NUAK1: variants seen among roughly 807,000 people sequenced by gnomAD.
The protein encoded by NUAK1 is NUAK family kinase 1, also known as NUAK family SNF1-like kinase 1.
A neutral mutation model predicts 56.9 loss-of-function variants in NUAK1; 26 were observed. The ratio of observed to expected loss-of-function variants is 0.46; its 90% CI spans 0.33 to 0.63. NUAK1 has a LOEUF of 0.63. Among genes scored for constraint, NUAK1 ranks in the 30% least tolerant of loss-of-function variants. The pLI is 0.02. For synonymous variants in NUAK1, 337 were observed against 336.0 expected, an observed-to-expected ratio of 1.00 and a Z score of -0.03; for missense variants, 727 against 876.1, an observed-to-expected ratio of 0.83 and a Z score of 2.15.
At chr12:106,073,592 C>A (rs750137803) in intron 4 of NUAK1, among the ~76,000 whole-genome samples, 2 of 152,012 alleles carry the variant, frequency 1.3e-5, no homozygotes, top group Non-Finnish European at 2.9e-5. Flanking sequence ...CTTGGCCAGG[C>A]GGATCACTTG....
At chr12:106,099,482 C>T (rs150156809) in intron 2 of NUAK1, among the ~76,000 whole-genome samples, 75 of 152,284 alleles carry the variant, frequency 4.9e-4, no homozygotes, top group African/African-American at 1.7e-3. Flanking sequence ...GGGAATTCTA[C>T]ATATCACAGG....
intron 5 of NUAK1, among the ~76,000 whole-genome samples, 158 bp downstream of exon 5, chr12:106,072,566 G>A (rs1031051786): frequency 3.9e-5 from 6 of 152,170 alleles, no homozygotes; most frequent in Non-Finnish European, 1.5e-5. Flanking sequence ...CCTCCCAGGA[G>A]TATACATTAA....
At position 106,070,920 on chromosome 12, in the gene NUAK1, A is replaced by C; in HGVS notation, c.700-14T>G. On this transcript the variant is annotated splice_polypyrimidine_tract_variant and intron_variant, in intron 5 of 6. Coordinates refer to ENST00000261402, the MANE Select transcript of NUAK1 (RefSeq NM_014840.3). ...CCAGCTGTCCACCTGGAGCAGAGAG[A>C]CAGCACATATAGGAGAGCTGGGAAA... is the stretch of plus-strand genomic sequence containing the variant. 1 of 1,614,038 alleles carries C rather than the reference A, an allele frequency of 6.2e-7. No homozygotes were observed. The highest frequency in any genetic ancestry group is 8.5e-7 in the Non-Finnish European group (1 of 1,179,960).
At chr12:106,081,641 T>A (rs2032519121) in intron 4 of NUAK1, among the ~76,000 whole-genome samples, 1 of 152,252 alleles carries the variant, frequency 6.6e-6, no homozygotes, top group African/African-American at 2.4e-5. Context: ...CCTGGGCTCC[T>A]GCCTCACTGT....
At chr12:106,109,076 A>C (rs2032832987) in intron 1 of NUAK1, among the ~76,000 whole-genome samples, 1 of 152,186 alleles carries the variant, frequency 6.6e-6, no homozygotes, top group Non-Finnish European at 1.5e-5. Flanking sequence ...CCCTGTTTCA[A>C]AGGGGTGACA....
chr12:106,083,232 G>C (rs548639596), intron 4 of NUAK1, among the ~76,000 whole-genome samples: 18 of 152,306 alleles, frequency 1.2e-4, no homozygotes, highest in African/African-American at 4.3e-4. Context: ...GGTGGAGAGG[G>C]AGAAGTAGGA....
chr12:106,128,035 G>A (rs892470740), intron 1 of NUAK1, among the ~76,000 whole-genome samples: 3 of 151,850 alleles, frequency 2.0e-5, no homozygotes, highest in Non-Finnish European at 2.9e-5. Context: ...TTTCACAGAC[G>A]AAGAAACCGA....
At chr12:106,128,114 A>C (rs2033041073) in intron 1 of NUAK1, among the ~76,000 whole-genome samples, 2 of 151,348 alleles carry the variant, frequency 1.3e-5, no homozygotes, top group South Asian at 4.2e-4. Context: ...GCCTAGCTCC[A>C]AATTCTCTCT....
chr12:106,132,672 T>C (rs1479085711), intron 1 of NUAK1, among the ~76,000 whole-genome samples: 1 of 152,174 alleles, frequency 6.6e-6, no homozygotes, highest in East Asian at 1.9e-4. Flanking sequence ...CCTGATTCAT[T>C]ACAACAAACT....
At chr12:106,090,663 C>T (rs747681025) in intron 2 of NUAK1, among the ~76,000 whole-genome samples, 6 of 152,200 alleles carry the variant, frequency 3.9e-5, no homozygotes, top group Non-Finnish European at 8.8e-5. Context: ...ACCCCTCTGA[C>T]CCTCCGCCTC....
chr12:106,092,661 G>GTTGA (rs2032647992), intron 2 of NUAK1, among the ~76,000 whole-genome samples: 2 of 152,266 alleles, frequency 1.3e-5, no homozygotes, highest in East Asian at 3.9e-4. Context: ...CCATTCTACT[G>GTTGA]TTGATAGACA....
chr12:106,124,651 G>T (rs1490165001), intron 1 of NUAK1, among the ~76,000 whole-genome samples: 1 of 152,190 alleles, frequency 6.6e-6, no homozygotes, highest in Non-Finnish European at 1.5e-5. Context: ...AACGTCATCT[G>T]TCTCACCATG....
At chr12:106,077,084 C>T (rs1329108982) in intron 4 of NUAK1, among the ~76,000 whole-genome samples, 1 of 152,168 alleles carries the variant, frequency 6.6e-6, no homozygotes, top group Non-Finnish European at 1.5e-5. Context: ...GAAGTGTCAC[C>T]TTGCTGACAT....
At chr12:106,112,642 C>A (rs1276912684) in intron 1 of NUAK1, among the ~76,000 whole-genome samples, 1 of 152,230 alleles carries the variant, frequency 6.6e-6, no homozygotes, top group Non-Finnish European at 1.5e-5. Flanking sequence ...CCCATGGGAA[C>A]CAAGCCAGCT....
intron 1 of NUAK1, among the ~76,000 whole-genome samples, chr12:106,115,770 C>T (rs2032911074): frequency 6.6e-6 from 1 of 152,188 alleles, no homozygotes; most frequent in African/African-American, 2.4e-5. Flanking sequence ...TTCCTGCCGT[C>T]CCATCATGGG....
chr12:106,106,797 G>C (rs1238860919), intron 1 of NUAK1, among the ~76,000 whole-genome samples: 1 of 152,144 alleles, frequency 6.6e-6, no homozygotes, highest in African/African-American at 2.4e-5. Context: ...TTTTCATAAA[G>C]CAGAGGCTGC....
chr12:106,066,517 T>G lies in NUAK1; in HGVS notation c.*285A>C. On this transcript the variant is annotated 3_prime_UTR_variant, in exon 7 of 7. Transcript: ENST00000261402. ...ATATGCTTCCTCTCCACCCACTGAG[T>G]GCCGGTCAATACCACCTCCCCTGGA... 2.2e-6 allele frequency: 1 copy of G among 446,568 alleles called. No individual in the cohort carries two copies. The allele number at this position is 446,568 out of a possible 1,614,324, so 27.7% of individuals were successfully genotyped here. A position where few individuals can be genotyped will look rare whatever the true frequency, so the allele number is the denominator to read the frequency against.
intron 1 of NUAK1, among the ~76,000 whole-genome samples, chr12:106,122,356 GA>G (rs1446981243): frequency 1.3e-5 from 2 of 152,184 alleles, no homozygotes; most frequent in Non-Finnish European, 2.9e-5. Flanking sequence ...ATCTTACAAG[GA>G]GTGTAAACAT....
At chr12:106,086,502 A>G (rs2032571738) in intron 3 of NUAK1, among the ~76,000 whole-genome samples, 1 of 152,204 alleles carries the variant, frequency 6.6e-6, no homozygotes, top group South Asian at 2.1e-4. Context: ...TTACATAAAA[A>G]AATAAATGTG....
Sources: allele counts gnomAD v4.1 joint callset (sites outside exome capture counted in the v4.1 genomes callset), GRCh38; gene constraint gnomAD v4.1.1; transcripts MANE v1.5; gene names NCBI Gene and HGNC (gene_info 2026-07-23, HGNC 2026-07-21).